LRFN5: variants seen among roughly 807,000 people sequenced by gnomAD.
LRFN5 encodes the protein leucine-rich repeat and fibronectin type-III domain-containing protein 5.
LRFN5 carries 24 observed loss-of-function variants against 45.6 expected under a neutral mutation model. The observed-to-expected ratio is 0.53, with a 90% confidence interval of 0.38 to 0.74. The LOEUF (loss-of-function observed/expected upper bound fraction) is 0.74. Among genes scored for constraint, LRFN5 ranks in the 30% least tolerant of loss-of-function variants. The pLI is 0.00. For synonymous variants in LRFN5, 340 were observed against 313.8 expected, an observed-to-expected ratio of 1.08 and a Z score of -0.88; for missense variants, 776 against 861.5, an observed-to-expected ratio of 0.90 and a Z score of 1.24.
chr14:41,713,509 C>T (rs1883368019), intron 1 of LRFN5, among the ~76,000 whole-genome samples: 1 of 145,280 alleles, frequency 6.9e-6, no homozygotes, highest in Non-Finnish European at 1.6e-5. Flanking sequence ...TTGAGGTATA[C>T]AAAAAAATCT....
chr14:41,773,665 A>G (rs574273032), intron 2 of LRFN5, among the ~76,000 whole-genome samples: 1 of 152,296 alleles, frequency 6.6e-6, no homozygotes, highest in East Asian at 1.9e-4. Flanking sequence ...GAGGTAAGGC[A>G]GTACACTGCA....
chr14:41,716,745 T>A (rs1462382114), intron 1 of LRFN5, among the ~76,000 whole-genome samples: 4 of 152,218 alleles, frequency 2.6e-5, no homozygotes, highest in Non-Finnish European at 5.9e-5. Context: ...CTCTGTCTGT[T>A]ACCCAGTTCC....
At chr14:41,633,142 C>T (rs1043619362) in intron 1 of LRFN5, among the ~76,000 whole-genome samples, 8 of 151,706 alleles carry the variant, frequency 5.3e-5, no homozygotes, top group African/African-American at 1.7e-4. Flanking sequence ...AACACAATAC[C>T]TGTCACAAAA....
intron 2 of LRFN5, among the ~76,000 whole-genome samples, chr14:41,856,536 G>A (rs1390849175): frequency 6.6e-6 from 1 of 151,808 alleles, no homozygotes; most frequent in Non-Finnish European, 1.5e-5. Flanking sequence ...CCCCTTGAAT[G>A]TGAGCATTTC....
chr14:41,714,970 A>G (rs935489), intron 1 of LRFN5, among the ~76,000 whole-genome samples: 1,940 of 152,288 alleles, frequency 0.013, 13 homozygotes, highest in Middle Eastern at 0.037. Flanking sequence ...AGTTCTGGGC[A>G]ACATAGTCCT....
At chr14:41,721,383 T>C (rs1350565172) in intron 1 of LRFN5, among the ~76,000 whole-genome samples, 4 of 152,182 alleles carry the variant, frequency 2.6e-5, no homozygotes, top group African/African-American at 4.8e-5. Flanking sequence ...AAGGTTAATA[T>C]TGATATGTGA....
chr14:41,823,277 T>A (rs569459754), intron 2 of LRFN5, among the ~76,000 whole-genome samples: 119 of 152,152 alleles, frequency 7.8e-4, no homozygotes, highest in African/African-American at 2.8e-3. Context: ...ACTATTAACC[T>A]TCCGTTTCCA....
intron 1 of LRFN5, among the ~76,000 whole-genome samples, chr14:41,688,147 A>G (rs1279952471): frequency 6.6e-6 from 1 of 152,152 alleles, no homozygotes; most frequent in African/African-American, 2.4e-5. Context: ...CCAGTAGAAT[A>G]ATGGTTACCA....
chr14:41,749,209 G>A (rs954196482), intron 1 of LRFN5, among the ~76,000 whole-genome samples: 4 of 151,896 alleles, frequency 2.6e-5, no homozygotes, highest in Admixed American at 6.6e-5. Context: ...ATACATGAGC[G>A]TTGAGAGACG....
intron 1 of LRFN5, among the ~76,000 whole-genome samples, chr14:41,713,454 T>C (rs1322710518): frequency 6.6e-6 from 1 of 151,960 alleles, no homozygotes; most frequent in Non-Finnish European, 1.5e-5. Context: ...TTTATTAACA[T>C]AAAACTGAAG....
intron 4 of LRFN5, chr14:41,893,290 T>G (rs974311472): frequency 3.2e-6 from 3 of 946,102 alleles, no homozygotes; most frequent in Middle Eastern, 5.5e-4. Flanking sequence ...TTAAGGTCTA[T>G]AGATAAATGT....
At chr14:41,620,833 A>C (rs6572099) in intron 1 of LRFN5, among the ~76,000 whole-genome samples, 79,025 of 151,462 alleles carry the variant, frequency 0.52, 20,772 homozygotes, top group African/African-American at 0.57. Flanking sequence ...ATAATTAGCT[A>C]TAATGTCTAT....
At chr14:41,876,001 A>T (rs991866590) in intron 2 of LRFN5, among the ~76,000 whole-genome samples, 6 of 152,214 alleles carry the variant, frequency 3.9e-5, no homozygotes, top group African/African-American at 1.4e-4. Flanking sequence ...ATACATATAT[A>T]ACCTGAAAGA....
At chr14:41,864,570 G>A (rs1325293142) in intron 2 of LRFN5, among the ~76,000 whole-genome samples, 1 of 152,136 alleles carries the variant, frequency 6.6e-6, no homozygotes, top group African/African-American at 2.4e-5. Flanking sequence ...ACTCCAGTGT[G>A]ACTTTATCTT....
At position 41,619,609 on chromosome 14, in the gene LRFN5, G is replaced by A. The variant is rs956421800; in HGVS notation, c.-197+11047G>A. On this transcript the variant is annotated intron_variant, in intron 1 of 5. Coordinates refer to ENST00000298119, the MANE Select transcript of LRFN5 (RefSeq NM_152447.5). The stretch of plus-strand genomic sequence containing the variant: ...TTCTTTAGAATCTAATGTAAGATAG[G>A]TAATGTGTGGTATGCTTTTTATTTG... Among the ~76,000 whole-genome samples, 5 of 151,870 alleles carry A rather than the reference G, an allele frequency of 3.3e-5. 1 individual carries two copies. Among genetic ancestry groups the A allele is most frequent in the South Asian group, 4.1e-4 (2 of 4,824 alleles).
intron 2 of LRFN5, among the ~76,000 whole-genome samples, chr14:41,885,221 A>T (rs1166503032): frequency 6.6e-6 from 1 of 151,718 alleles, no homozygotes; most frequent in African/African-American, 2.4e-5. Context: ...TCTACTCAGA[A>T]GGCTGAAGAG....
At chr14:41,792,916 C>A (rs1886979630) in intron 2 of LRFN5, among the ~76,000 whole-genome samples, 1 of 146,054 alleles carries the variant, frequency 6.8e-6, no homozygotes, top group Admixed American at 7.2e-5. Flanking sequence ...TTGTACACTG[C>A]ATATTCTCAC....
At position 41,904,154 on chromosome 14, in the gene LRFN5, TC is replaced by T; in HGVS notation, c.2143-3del. 6.2e-7 allele frequency: 1 copy of T among 1,602,996 alleles called. No individual in the cohort carries two copies. Among genetic ancestry groups the T allele is most frequent in the Non-Finnish European group, 8.5e-7 (1 of 1,176,144 alleles). ...TTTTCCTTTTTCTTTTTCTTTCATT[TC>T]AGAGGCTGGAGTTAATCTGAAGAGC... On this transcript the variant is annotated splice_polypyrimidine_tract_variant and splice_region_variant and intron_variant, in intron 5 of 5. Coordinates refer to ENST00000298119, the MANE Select transcript of LRFN5 (RefSeq NM_152447.5).
At chr14:41,701,606 A>G (rs1397164533) in intron 1 of LRFN5, 3 of 152,220 alleles carry the variant, frequency 2.0e-5, no homozygotes, top group African/African-American at 4.8e-5. Context: ...TCCTACCTGC[A>G]TGAATATAGG....
Sources: gnomAD v4.1 joint callset for allele counts (sites outside exome capture counted in the v4.1 genomes callset) on GRCh38, gnomAD v4.1.1 for gene constraint, MANE v1.5 for transcripts, NCBI Gene and HGNC (gene_info 2026-07-23, HGNC 2026-07-21) for gene names.